Variants in RIPOR3 observed in about 807,000 individuals in gnomAD.
The protein encoded by RIPOR3 is family with sequence similarity 65 member C.
A neutral mutation model predicts 114.3 loss-of-function variants in RIPOR3; 95 were observed. That is an observed-to-expected ratio of 0.83 (90% confidence interval 0.70 to 0.99). The LOEUF (loss-of-function observed/expected upper bound fraction) is 0.99. Ranked by LOEUF, RIPOR3 falls within the 50% of genes least tolerant of loss-of-function variation. The pLI, the probability that RIPOR3 is intolerant of heterozygous loss-of-function variation, is 0.00. For synonymous variants in RIPOR3, 575 were observed against 543.8 expected (o/e 1.06, Z -0.80); for missense variants, 1,252 against 1,266.9 (o/e 0.99, Z 0.18).
At chr20:50,629,619 A>G (rs1235887409) in intron 2 of RIPOR3, among the ~76,000 whole-genome samples, 1 of 152,132 alleles carries the variant, frequency 6.6e-6, no homozygotes, top group Non-Finnish European at 1.5e-5. Flanking sequence ...GCTGCCCCCC[A>G]GGCCCATCTG....
At chr20:50,666,258 T>C (rs1472812692) in intron 1 of RIPOR3, among the ~76,000 whole-genome samples, 1 of 144,830 alleles carries the variant, frequency 6.9e-6, no homozygotes, top group Non-Finnish European at 1.5e-5. Context: ...TTGCCCAGAG[T>C]CACGCTCTGT....
At chr20:50,680,418 C>G (rs532669729) in intron 1 of RIPOR3, among the ~76,000 whole-genome samples, 1 of 152,208 alleles carries the variant, frequency 6.6e-6, no homozygotes, top group Non-Finnish European at 1.5e-5. Context: ...CAACAGAACT[C>G]AAGTCTGGGC....
chr20:50,685,341 C>T (rs539296921), intron 1 of RIPOR3, among the ~76,000 whole-genome samples: 3 of 151,492 alleles, frequency 2.0e-5, no homozygotes, highest in African/African-American at 4.9e-5. Context: ...CTCAGCCTCC[C>T]GAGTAACTGA....
chr20:50,671,424 GCGCGCA>G lies in RIPOR3; in HGVS notation c.3+19696_3+19701del, dbSNP rs1305367105. On this transcript the variant is annotated intron_variant, in intron 1 of 21. Transcript: ENST00000327979. ...CATGAGCACGCGCGCGTGCACGCGC[GCGCGCA>G]CACACACACACACACACACACACAC... Among the ~76,000 whole-genome samples, 446 of 91,238 alleles carry G rather than the reference GCGCGCA, an allele frequency of 4.9e-3. 5 individuals carry two copies. Among genetic ancestry groups the G allele is most frequent in the South Asian group, 0.034 (87 of 2,588 alleles). The allele number at this position is 91,238 out of a possible 152,430, so 59.9% of individuals were successfully genotyped here. A position where few individuals can be genotyped will look rare whatever the true frequency, so the allele number is the denominator to read the frequency against.
intron 1 of RIPOR3, among the ~76,000 whole-genome samples, chr20:50,658,680 G>A (rs2085895927): frequency 1.3e-5 from 2 of 151,996 alleles, no homozygotes; most frequent in South Asian, 4.1e-4. Context: ...ACTGCAGCCT[G>A]GGAAACAGAG....
chr20:50,589,919 G>T, intron 19 of RIPOR3, 150 bp from the exon 20 acceptor site: 1 of 666,728 alleles, frequency 1.5e-6, no homozygotes, highest in Non-Finnish European at 2.7e-6. Context: ...CCATCTTTGG[G>T]CCCTGTGTAC....
intron 2 of RIPOR3, among the ~76,000 whole-genome samples, chr20:50,624,252 A>G (rs2084536088): frequency 6.6e-6 from 1 of 152,096 alleles, no homozygotes; most frequent in South Asian, 2.1e-4. Context: ...GGCCCTCCGC[A>G]AGTTTGCCAT....
intron 4 of RIPOR3, among the ~76,000 whole-genome samples, chr20:50,612,214 T>G (rs2084003903): frequency 6.7e-6 from 1 of 148,894 alleles, no homozygotes; most frequent in Middle Eastern, 3.2e-3. Context: ...CAAGAAAGAG[T>G]GTGAAGTGGA....
chr20:50,644,128 T>C (rs1028558918), intron 1 of RIPOR3, among the ~76,000 whole-genome samples: 3 of 152,058 alleles, frequency 2.0e-5, no homozygotes, highest in East Asian at 1.9e-4. Context: ...TCTAAAAAAA[T>C]TTAAAAATAA....
At chr20:50,636,209 A>G (rs1233100436) in intron 1 of RIPOR3, among the ~76,000 whole-genome samples, 1 of 152,220 alleles carries the variant, frequency 6.6e-6, no homozygotes, top group South Asian at 2.1e-4. Context: ...TGAGACCCAC[A>G]ATCTCAGGAG....
At chr20:50,663,925 C>CTT (rs11477745) in intron 1 of RIPOR3, among the ~76,000 whole-genome samples, 12 of 123,956 alleles carry the variant, frequency 9.7e-5, no homozygotes, top group African/African-American at 1.8e-4. Context: ...CTCTCTCTCT[C>CTT]TTTTTTTTTT....
intron 1 of RIPOR3, among the ~76,000 whole-genome samples, chr20:50,673,854 T>G (rs1350366511): frequency 2.0e-5 from 3 of 152,208 alleles, no homozygotes; most frequent in Non-Finnish European, 4.4e-5. Context: ...CGAGCATTTA[T>G]TTAATAGCAT....
In RIPOR3 at chr20:50,604,759, C is replaced by G. The variant is rs781525893; in HGVS notation, c.972G>C (p.Glu324Asp). 10 of 1,607,912 alleles carry G rather than the reference C, an allele frequency of 6.2e-6. No homozygotes were observed. The highest frequency in any genetic ancestry group is 7.6e-6 in the Non-Finnish European group (9 of 1,177,862). Residue 324 changes from glutamate to aspartate, a missense_variant, in exon 12 of 22, where the codon GAG becomes GAC. By Grantham distance (45) the Glu-to-Asp change is conservative. Coordinates refer to ENST00000327979, the MANE Select transcript of RIPOR3 (RefSeq NM_001290268.2). ...LEVQWNPFDT[E>D]SFLVSPSPTG... ...TGGGGCTGGGTGACACCAGGAAGCT[C>G]TCAGTATCAAACGGGCTGGAGGAGA...
chr20:50,609,483 C>T, intron 7 of RIPOR3, 90 bp downstream of exon 7: 1 of 1,458,116 alleles, frequency 6.9e-7, no homozygotes, highest in African/African-American at 1.4e-5. Context: ...AACACCTCCT[C>T]CAGCCCCCAC....
At chr20:50,616,379 C>T (rs2084174138) in intron 3 of RIPOR3, among the ~76,000 whole-genome samples, 1 of 152,174 alleles carries the variant, frequency 6.6e-6, no homozygotes, top group African/African-American at 2.4e-5. Context: ...TCCCCCCTCT[C>T]TCGCCCAGGC....
chr20:50,675,512 T>C (rs767735517), intron 1 of RIPOR3, among the ~76,000 whole-genome samples: 4 of 152,208 alleles, frequency 2.6e-5, no homozygotes, highest in Non-Finnish European at 5.9e-5. Flanking sequence ...GTCTATCTGG[T>C]CTAAAGCCCA....
intron 12 of RIPOR3, among the ~76,000 whole-genome samples, chr20:50,603,910 G>T (rs6020631): frequency 0.014 from 2,194 of 152,266 alleles, 49 homozygotes; most frequent in African/African-American, 0.05. Flanking sequence ...GGCTGGGCAC[G>T]GTGGCTCATG....
At chr20:50,638,274 C>T (rs1397244963) in intron 1 of RIPOR3, among the ~76,000 whole-genome samples, 1 of 152,178 alleles carries the variant, frequency 6.6e-6, no homozygotes, top group Admixed American at 6.5e-5. Context: ...CCCCAGTGTC[C>T]CCTGCGCTCC....
At chr20:50,637,666 G>A (rs550784619) in intron 1 of RIPOR3, among the ~76,000 whole-genome samples, 1 of 152,232 alleles carries the variant, frequency 6.6e-6, no homozygotes, top group Admixed American at 6.5e-5. Context: ...CCTGAGGTCA[G>A]GAGTTCAAGA....
Sources: allele counts gnomAD v4.1 joint callset (sites outside exome capture counted in the v4.1 genomes callset), GRCh38; gene constraint gnomAD v4.1.1; transcripts MANE v1.5; gene names NCBI Gene and HGNC (gene_info 2026-07-23, HGNC 2026-07-21).